Variants in PALS1 observed in about 807,000 individuals in gnomAD.
PALS1 encodes protein associated with LIN7 1, MAGUK p55 family member.
Under a neutral mutation model 78.9 loss-of-function variants are expected in PALS1, and 31 were observed. The observed-to-expected ratio is 0.39, with a 90% confidence interval of 0.30 to 0.53. The LOEUF is 0.53. Ranked by LOEUF, PALS1 falls within the 20% of genes least tolerant of loss-of-function variation. The pLI is 0.67. For synonymous variants in PALS1, 276 were observed against 270.9 expected (o/e 1.02, Z -0.18); for missense variants, 704 against 826.5 (o/e 0.85, Z 1.82).
chr14:67,301,391 A>G lies in PALS1; in HGVS notation c.579A>G (p.Val193=), dbSNP rs749944619. The change falls in exon 5 of 15, where the codon GTA becomes GTG. Residue 193 remains valine (V), a splice_region_variant and synonymous_variant. Transcript: ENST00000261681. ...ISNAQDLAQE[V]QTVLKPVHHK... is the part of the protein sequence containing the mutation. ...TAATCTTTATTTTTGTTTCTTAGGTACAAACTGTTTTGAAGCCAGTTCATC... is the reference window on the plus strand; with the variant it reads ...TAATCTTTATTTTTGTTTCTTAGGTGCAAACTGTTTTGAAGCCAGTTCATC... 15 of 1,604,762 alleles carry G rather than the reference A, an allele frequency of 9.3e-6. No homozygotes were observed. The highest frequency in any genetic ancestry group is 1.1e-5 in the Non-Finnish European group (13 of 1,174,258).
intron 1 of PALS1, among the ~76,000 whole-genome samples, chr14:67,269,418 G>A (rs1292779692): frequency 6.6e-6 from 1 of 152,060 alleles, no homozygotes; most frequent in Non-Finnish European, 1.5e-5. Flanking sequence ...GTAACCCTAT[G>A]TTTAGCCTTT....
chr14:67,275,049 A>C (rs1295607848), intron 2 of PALS1, among the ~76,000 whole-genome samples: 1 of 152,214 alleles, frequency 6.6e-6, no homozygotes, highest in Admixed American at 6.5e-5. Flanking sequence ...TAAATAGACA[A>C]TCATGTCATC....
At chr14:67,286,511 T>C (rs2084690225) in intron 3 of PALS1, among the ~76,000 whole-genome samples, 1 of 152,186 alleles carries the variant, frequency 6.6e-6, no homozygotes, top group Admixed American at 6.5e-5. Flanking sequence ...TTTGTTTAAG[T>C]AACAGATATA....
intron 3 of PALS1, among the ~76,000 whole-genome samples, chr14:67,290,566 A>G (rs916562018): frequency 1.3e-5 from 2 of 152,150 alleles, no homozygotes; most frequent in African/African-American, 4.8e-5. Context: ...TTTAAAAATT[A>G]TTGTTATTTT....
intron 1 of PALS1, among the ~76,000 whole-genome samples, chr14:67,259,743 A>G (rs2084205143): frequency 1.3e-5 from 2 of 152,032 alleles, no homozygotes; most frequent in African/African-American, 4.8e-5. Flanking sequence ...GACTCCATCT[A>G]TACAAAAAAT....
chr14:67,284,547 T>TAAAAAAAAAAAAAAAAA (rs36207191), intron 3 of PALS1, among the ~76,000 whole-genome samples: 2 of 23,302 alleles, frequency 8.6e-5, no homozygotes, highest in African/African-American at 2.5e-4. Flanking sequence ...GCTGCAGTGC[T>TAAAAAAAAAAAAAAAAA]AAAAAAAAAA....
chr14:67,279,002 C>T lies in PALS1; in HGVS notation c.-153-16C>T, dbSNP rs893176787. The T allele has an allele frequency of 3.4e-6, 2 of 596,138 alleles. No individual in the cohort carries two copies. The highest frequency in any genetic ancestry group is 7.5e-5 in the Admixed American group (2 of 26,596). The allele number at this position is 596,138 out of a possible 1,614,324, so 36.9% of individuals were successfully genotyped here. A position where few individuals can be genotyped will look rare whatever the true frequency, so the allele number is the denominator to read the frequency against. ...TGTAATTCTTACACTTTTTTCCCCC[C>T]CATCTTTCCCCTTAGATTTCCTTCA... is the stretch of plus-strand genomic sequence containing the variant. On this transcript the variant is annotated splice_polypyrimidine_tract_variant and intron_variant, in intron 2 of 14. Transcript: ENST00000261681.
intron 2 of PALS1, among the ~76,000 whole-genome samples, chr14:67,275,998 G>T (rs2084497057): frequency 1.3e-5 from 2 of 152,000 alleles, no homozygotes; most frequent in African/African-American, 4.8e-5. Flanking sequence ...GCATGTATTT[G>T]ATTCTTCTCT....
At chr14:67,328,142 C>G (rs1214735903) in intron 14 of PALS1, among the ~76,000 whole-genome samples, 1 of 152,184 alleles carries the variant, frequency 6.6e-6, no homozygotes, top group Non-Finnish European at 1.5e-5. Context: ...TCTCCAGCAC[C>G]TGTTGTTTCC....
At chr14:67,275,377 TC>T (rs768693669) in intron 2 of PALS1, among the ~76,000 whole-genome samples, 30 of 152,316 alleles carry the variant, frequency 2.0e-4, no homozygotes, top group Non-Finnish European at 3.5e-4. Flanking sequence ...ATTGAGATAA[TC>T]ATGTGGTTTT....
At chr14:67,288,618 T>A (rs577298227) in intron 3 of PALS1, among the ~76,000 whole-genome samples, 55 of 152,348 alleles carry the variant, frequency 3.6e-4, no homozygotes, top group African/African-American at 1.3e-3. Flanking sequence ...TTATAATTTC[T>A]TTTTCTTATA....
At chr14:67,330,923 C>T (rs2085438604) in intron 14 of PALS1, among the ~76,000 whole-genome samples, 1 of 152,162 alleles carries the variant, frequency 6.6e-6, no homozygotes, top group Non-Finnish European at 1.5e-5. Context: ...TATGGCCCAA[C>T]ATCTGTTCTT....
chr14:67,328,047 G>C (rs1390294232), intron 14 of PALS1, among the ~76,000 whole-genome samples: 4 of 152,054 alleles, frequency 2.6e-5, no homozygotes, highest in Non-Finnish European at 4.4e-5. Context: ...AGATCCTTGA[G>C]GAATCACCAC....
intron 2 of PALS1, among the ~76,000 whole-genome samples, chr14:67,275,289 A>G (rs552280658): frequency 2.6e-5 from 4 of 152,278 alleles, no homozygotes; most frequent in African/African-American, 9.6e-5. Context: ...TTTGAGATAC[A>G]TTCCATCAAT....
intron 9 of PALS1, 64 bp from the exon 10 acceptor site, chr14:67,316,767 TA>T (rs5809338): frequency 2.9e-3 from 3,686 of 1,267,028 alleles, no homozygotes; most frequent in Non-Finnish European, 3.3e-3. Flanking sequence ...CCTTCTTGAT[TA>T]AAAAAAAAAT....
chr14:67,322,996 G>A (rs970484882), intron 13 of PALS1, among the ~76,000 whole-genome samples: 1 of 152,068 alleles, frequency 6.6e-6, no homozygotes, highest in African/African-American at 2.4e-5. Flanking sequence ...TATATTTAGT[G>A]TCTGGCACAT....
At chr14:67,269,337 T>TTG (rs140815787) in intron 1 of PALS1, among the ~76,000 whole-genome samples, 8,504 of 151,780 alleles carry the variant, frequency 0.056, 247 homozygotes, top group Middle Eastern at 0.068. Context: ...GTACAAGTTT[T>TTG]TGTGTGTGTG....
At chr14:67,272,086 C>T (rs1019511982) in intron 2 of PALS1, 3 of 151,722 alleles carry the variant, frequency 2.0e-5, no homozygotes, top group Non-Finnish European at 4.4e-5. Context: ...TTCAAGGATC[C>T]TGTCTTAATA....
At position 67,317,473 on chromosome 14, in the gene PALS1, AATG is replaced by A; in HGVS notation, c.1367_1369del (p.Asp457del). 2 of 1,604,244 alleles carry A rather than the reference AATG, an allele frequency of 1.2e-6. No individual in the cohort carries two copies. Among genetic ancestry groups the A allele is most frequent in the Non-Finnish European group, 1.7e-6 (2 of 1,171,950 alleles). ...AAAGGTTTTATATAATGCCAATAAA[AATG>A]ATGGTAAGTTCTACTCTCAGGGATA... On this transcript the variant is annotated inframe_deletion, in exon 11 of 15. Coordinates refer to ENST00000261681, the MANE Select transcript of PALS1 (RefSeq NM_022474.4).
Sources: allele counts gnomAD v4.1 joint callset (sites outside exome capture counted in the v4.1 genomes callset), GRCh38; gene constraint gnomAD v4.1.1; transcripts MANE v1.5; gene names NCBI Gene and HGNC (gene_info 2026-07-23, HGNC 2026-07-21).